The following MSRA variants were observed in gnomAD, a reference collection of about 807,000 sequenced individuals.
The protein encoded by MSRA is methionine sulfoxide reductase A.
A neutral mutation model predicts 31.3 loss-of-function variants in MSRA; 54 were observed. The observed-to-expected ratio is 1.73, with a 90% CI of 1.39 to 2.17. The LOEUF (loss-of-function observed/expected upper bound fraction) is 2.17, where lower values mean the gene tolerates loss of function less well. MSRA is among the 30% of genes most tolerant of loss of function. The pLI is 0.00. For missense variants in MSRA, 507 were observed against 300.9 expected (o/e 1.69, Z -5.07); for synonymous variants, 169 against 116.5 (o/e 1.45, Z -2.90).
intron 3 of MSRA, among the ~76,000 whole-genome samples, chr8:10,247,228 A>C (rs1277901176): frequency 6.6e-6 from 1 of 152,212 alleles, no homozygotes; most frequent in Non-Finnish European, 1.5e-5. Context: ...GAAGTATGTC[A>C]GCTTCTATCT....
intron 3 of MSRA, among the ~76,000 whole-genome samples, chr8:10,288,537 T>A (rs1000455305): frequency 6.6e-6 from 1 of 151,936 alleles, no homozygotes; most frequent in Non-Finnish European, 1.5e-5. Flanking sequence ...GTTGGACTGA[T>A]TTTTTTTGGG....
intron 5 of MSRA, among the ~76,000 whole-genome samples, chr8:10,404,105 C>T (rs1237381272): frequency 6.6e-6 from 1 of 152,146 alleles, no homozygotes; most frequent in African/African-American, 2.4e-5. Context: ...TCGGAAAATG[C>T]TTCAAAGGAT....
chr8:10,409,626 C>T (rs181917610), intron 5 of MSRA, among the ~76,000 whole-genome samples: 113 of 152,012 alleles, frequency 7.4e-4, no homozygotes, highest in Non-Finnish European at 1.3e-3. Context: ...GTAGAGCATG[C>T]AGGGGAGCCT....
At chr8:10,129,014 C>A (rs1484641) in intron 1 of MSRA, among the ~76,000 whole-genome samples, 47,544 of 152,044 alleles carry the variant, frequency 0.31, 8,414 homozygotes, top group Middle Eastern at 0.47. Context: ...AATTTTCTCA[C>A]GAGTTTGCAA....
At chr8:10,413,557 CT>C (rs2129190169) in intron 5 of MSRA, among the ~76,000 whole-genome samples, 1 of 150,510 alleles carries the variant, frequency 6.6e-6, no homozygotes, top group South Asian at 2.1e-4. Context: ...TTTAAATCTG[CT>C]GTTATAAAGG....
chr8:10,137,106 G>C (rs1195018512), intron 1 of MSRA, among the ~76,000 whole-genome samples: 1 of 152,196 alleles, frequency 6.6e-6, no homozygotes, highest in Non-Finnish European at 1.5e-5. Flanking sequence ...GTTCTGAAGA[G>C]GGCACACATT....
intron 3 of MSRA, among the ~76,000 whole-genome samples, chr8:10,287,965 C>T (rs1363166437): frequency 6.6e-6 from 1 of 152,022 alleles, no homozygotes; most frequent in South Asian, 2.1e-4. Flanking sequence ...GAGGTCGGGA[C>T]CTGTCTTAAT....
At chr8:10,419,926 C>T (rs944112005) in intron 5 of MSRA, among the ~76,000 whole-genome samples, 5 of 152,190 alleles carry the variant, frequency 3.3e-5, no homozygotes, top group Non-Finnish European at 7.3e-5. Flanking sequence ...GTTCCTTTTG[C>T]AGTTCTGTAG....
intron 1 of MSRA, among the ~76,000 whole-genome samples, chr8:10,093,152 G>A (rs1388646390): frequency 6.6e-6 from 1 of 152,072 alleles, no homozygotes; most frequent in Non-Finnish European, 1.5e-5. Flanking sequence ...GCCAATCTAT[G>A]TCTTTTAATT....
chr8:10,315,769 C>T (rs889649533), intron 4 of MSRA, among the ~76,000 whole-genome samples: 5 of 152,102 alleles, frequency 3.3e-5, no homozygotes, highest in Middle Eastern at 3.2e-3. Flanking sequence ...CTATTTTGAA[C>T]GTTTTCTAAT....
chr8:10,156,462 G>C (rs115495027), intron 1 of MSRA, among the ~76,000 whole-genome samples: 3,900 of 151,892 alleles, frequency 0.026, 159 homozygotes, highest in African/African-American at 0.088. Flanking sequence ...TGAGAGAGAG[G>C]GGATTTGAGA....
intron 1 of MSRA, among the ~76,000 whole-genome samples, chr8:10,088,911 A>G (rs1252095836): frequency 6.6e-6 from 1 of 152,260 alleles, no homozygotes; most frequent in Non-Finnish European, 1.5e-5. Flanking sequence ...AATCTCACTT[A>G]TATGAAATAT....
intron 5 of MSRA, among the ~76,000 whole-genome samples, chr8:10,402,114 G>A (rs1410109866): frequency 6.6e-6 from 1 of 152,136 alleles, no homozygotes; most frequent in Non-Finnish European, 1.5e-5. Flanking sequence ...CCTGAGCATT[G>A]GGTTCCCTTA....
intron 5 of MSRA, among the ~76,000 whole-genome samples, chr8:10,321,398 G>T (rs1802034277): frequency 6.6e-6 from 1 of 152,058 alleles, no homozygotes; most frequent in South Asian, 2.1e-4. Context: ...AAGGACGGGT[G>T]ACTCAAGGTC....
chr8:10,078,624 C>T (rs1295150921), intron 1 of MSRA, among the ~76,000 whole-genome samples: 1 of 152,236 alleles, frequency 6.6e-6, no homozygotes, highest in African/African-American at 2.4e-5. Context: ...GGTGCTGCAC[C>T]CTGCAGAAGA....
At chr8:10,348,659 T>C (rs1241035670) in intron 5 of MSRA, among the ~76,000 whole-genome samples, 1 of 152,178 alleles carries the variant, frequency 6.6e-6, no homozygotes, top group African/African-American at 2.4e-5. Flanking sequence ...TGAGCCACCA[T>C]GCCTGGCCCT....
chr8:10,364,330 G>C (rs1230546001), intron 5 of MSRA, among the ~76,000 whole-genome samples: 1 of 152,138 alleles, frequency 6.6e-6, no homozygotes, highest in African/African-American at 2.4e-5. Context: ...CAGGCTCCTG[G>C]GGCGTCAAAG....
chr8:10,309,296 T>C (rs1434912481), intron 4 of MSRA, among the ~76,000 whole-genome samples: 2 of 152,262 alleles, frequency 1.3e-5, no homozygotes, highest in Non-Finnish European at 2.9e-5. Flanking sequence ...GCCTTCTCAG[T>C]GTCGGGGCGC....
In MSRA at chr8:10,428,504, A is replaced by G. The variant is rs1053343053; in HGVS notation, c.*192A>G. Reference sequence around the variant, plus strand: ...TTGATAAAATGTGACTTATCTCCTAATAAGTTATGGTGGGAGTGGAGCTGT... The same window carrying G: ...TTGATAAAATGTGACTTATCTCCTAGTAAGTTATGGTGGGAGTGGAGCTGT... On this transcript the variant is annotated 3_prime_UTR_variant, in exon 6 of 6. Transcript: ENST00000317173. 2 of 595,936 alleles carry G rather than the reference A, an allele frequency of 3.4e-6. No individual in the cohort carries two copies. The highest frequency in any genetic ancestry group is 6.3e-5 in the East Asian group (2 of 31,746). 36.9% of individuals were successfully genotyped at this position (595,936 alleles called of 1,614,324 possible).
Sources: allele counts gnomAD v4.1 joint callset (sites outside exome capture counted in the v4.1 genomes callset), GRCh38; gene constraint gnomAD v4.1.1; transcripts MANE v1.5; gene names NCBI Gene and HGNC (gene_info 2026-07-23, HGNC 2026-07-21).